Variants in DPP10 observed in about 807,000 individuals in gnomAD.
DPP10 encodes the protein dipeptidyl peptidase like 10, also known as inactive dipeptidyl peptidase 10.
In DPP10, 33 loss-of-function variants were observed where a neutral mutation model predicts 120.9. The ratio of observed to expected loss-of-function variants is 0.27; its 90% confidence interval spans 0.21 to 0.37. The LOEUF (loss-of-function observed/expected upper bound fraction) is 0.37, where lower values mean the gene tolerates loss of function less well. Among genes scored for constraint, DPP10 ranks in the 10% least tolerant of loss-of-function variants. The pLI, the probability that DPP10 is intolerant of heterozygous loss-of-function variation, is 1.00. For synonymous variants in DPP10, 337 were observed against 326.1 expected (o/e 1.03, Z -0.36); for missense variants, 816 against 942.8 (o/e 0.87, Z 1.76).
At chr2:114,811,689 A>G (rs1401744278) in intron 1 of DPP10, among the ~76,000 whole-genome samples, 1 of 151,172 alleles carries the variant, frequency 6.6e-6, no homozygotes, top group African/African-American at 2.4e-5. Context: ...TTACTCCACC[A>G]CCACTACCCA....
intron 1 of DPP10, among the ~76,000 whole-genome samples, chr2:115,296,784 G>A (rs1006708393): frequency 5.3e-5 from 8 of 151,936 alleles, no homozygotes; most frequent in African/African-American, 1.9e-4. Flanking sequence ...GGTGCAATAA[G>A]TTCATCTAGA....
At chr2:114,948,183 A>G (rs1051817646) in intron 1 of DPP10, among the ~76,000 whole-genome samples, 2 of 152,012 alleles carry the variant, frequency 1.3e-5, no homozygotes, top group African/African-American at 4.8e-5. Flanking sequence ...TTAATTGTTC[A>G]GCTCACTCGT....
intron 1 of DPP10, among the ~76,000 whole-genome samples, chr2:114,629,875 A>G (rs1694790599): frequency 6.6e-6 from 1 of 152,208 alleles, no homozygotes; most frequent in Non-Finnish European, 1.5e-5. Flanking sequence ...GTGGACACCA[A>G]TGAATAAGTT....
At chr2:115,303,017 A>G (rs1324760579) in intron 1 of DPP10, among the ~76,000 whole-genome samples, 3 of 152,038 alleles carry the variant, frequency 2.0e-5, no homozygotes, top group Admixed American at 2.0e-4. Context: ...GATGTCTTGT[A>G]GGAAACCATG....
At chr2:115,679,670 A>C (rs2090514202) in intron 5 of DPP10, among the ~76,000 whole-genome samples, 1 of 152,262 alleles carries the variant, frequency 6.6e-6, no homozygotes, top group Admixed American at 6.5e-5. Flanking sequence ...CTATTACAAA[A>C]TAATAAAATT....
chr2:115,006,170 G>C (rs1574682157), intron 1 of DPP10, among the ~76,000 whole-genome samples: 3 of 151,984 alleles, frequency 2.0e-5, no homozygotes, highest in African/African-American at 4.8e-5. Flanking sequence ...CAAATGCTGA[G>C]AGATTTTGTC....
At chr2:114,992,749 A>C (rs1241689142) in intron 1 of DPP10, among the ~76,000 whole-genome samples, 1 of 152,224 alleles carries the variant, frequency 6.6e-6, no homozygotes, top group Non-Finnish European at 1.5e-5. Flanking sequence ...ACTGGAGAAA[A>C]TAGTCAAAAA....
In DPP10 at chr2:114,582,864, A is replaced by T. The variant is rs148414934; in HGVS notation, c.60+140026A>T. 7.8e-3 allele frequency among the ~76,000 whole-genome samples: 1,195 copies of T among 152,242 alleles called. 3 individuals are homozygous for T. The highest frequency in any genetic ancestry group is 0.013 in the Non-Finnish European group (883 of 68,020). ...CTCAACTTGGCTGTACATTAGAATC[A>T]TCTATAGAGCTTTCAAATAATACAG... is the stretch of plus-strand genomic sequence containing the variant. On this transcript the variant is annotated intron_variant, in intron 1 of 25. Coordinates refer to ENST00000410059, the MANE Select transcript of DPP10 (RefSeq NM_020868.6).
intron 19 of DPP10, among the ~76,000 whole-genome samples, chr2:115,800,372 C>T (rs149356649): frequency 8.2e-3 from 932 of 113,184 alleles, no homozygotes; most frequent in South Asian, 0.012. Flanking sequence ...AAATTTTCTC[C>T]CATTCTGTAG....
At chr2:115,315,576 C>T (rs1298148232) in intron 2 of DPP10, among the ~76,000 whole-genome samples, 2 of 152,136 alleles carry the variant, frequency 1.3e-5, no homozygotes, top group East Asian at 3.9e-4. Flanking sequence ...AAACTATCCC[C>T]ATTATGCATT....
chr2:115,440,766 G>T (rs951204945), intron 3 of DPP10: 3 of 152,224 alleles, frequency 2.0e-5, no homozygotes, highest in African/African-American at 7.2e-5. Context: ...GGTACCAGGT[G>T]CAAGGCTCTA....
intron 1 of DPP10, among the ~76,000 whole-genome samples, chr2:115,019,832 T>C (rs1303411716): frequency 2.0e-5 from 3 of 152,224 alleles, no homozygotes; most frequent in Non-Finnish European, 4.4e-5. Flanking sequence ...AGAAACTCTA[T>C]GAGCTAGAAG....
chr2:115,373,220 A>G (rs927101501), intron 3 of DPP10, among the ~76,000 whole-genome samples: 1 of 152,316 alleles, frequency 6.6e-6, no homozygotes, highest in Non-Finnish European at 1.5e-5. Flanking sequence ...GATAATAACA[A>G]CATAAATGAA....
chr2:114,447,096 A>C (rs1677988342), intron 1 of DPP10, among the ~76,000 whole-genome samples: 1 of 140,738 alleles, frequency 7.1e-6, no homozygotes, highest in Non-Finnish European at 1.5e-5. Flanking sequence ...TCCCAGTTTC[A>C]AGTGATTCTC....
At chr2:115,241,763 A>T (rs1033305271) in intron 1 of DPP10, among the ~76,000 whole-genome samples, 1 of 152,186 alleles carries the variant, frequency 6.6e-6, no homozygotes, top group Non-Finnish European at 1.5e-5. Flanking sequence ...TATGATTTTA[A>T]TTTATTCTTC....
chr2:115,065,857 A>G (rs1187781214), intron 1 of DPP10, among the ~76,000 whole-genome samples: 1 of 152,196 alleles, frequency 6.6e-6, no homozygotes, highest in Non-Finnish European at 1.5e-5. Flanking sequence ...CGCATGCCAA[A>G]AGAAAAAAAA....
intron 3 of DPP10, among the ~76,000 whole-genome samples, chr2:115,467,367 C>A (rs1328575855): frequency 1.3e-5 from 2 of 151,922 alleles, no homozygotes; most frequent in East Asian, 3.9e-4. Flanking sequence ...CGAGACCAGC[C>A]TGGTCAAGAG....
intron 1 of DPP10, among the ~76,000 whole-genome samples, chr2:114,829,440 A>G (rs894856597): frequency 5.4e-5 from 8 of 149,258 alleles, no homozygotes; most frequent in Non-Finnish European, 1.0e-4. Flanking sequence ...CTGGAGTGCA[A>G]TGGCAAGACC....
intron 1 of DPP10, among the ~76,000 whole-genome samples, chr2:114,616,807 A>G (rs367604535): frequency 7.2e-5 from 11 of 152,082 alleles, no homozygotes; most frequent in African/African-American, 2.7e-4. Flanking sequence ...GAGAGAACAG[A>G]CATAACATCA....
Sources: allele counts gnomAD v4.1 joint callset (sites outside exome capture counted in the v4.1 genomes callset), GRCh38; gene constraint gnomAD v4.1.1; transcripts MANE v1.5; gene names NCBI Gene and HGNC (gene_info 2026-07-23, HGNC 2026-07-21).